The following CPNE9 variants were observed in gnomAD, a reference collection of about 807,000 sequenced individuals.
CPNE9 encodes copine family member 9.
A neutral mutation model predicts 83.0 loss-of-function variants in CPNE9; 59 were observed. The ratio of observed to expected loss-of-function variants is 0.71; its 90% confidence interval spans 0.58 to 0.88. The LOEUF is 0.88. Among genes scored for constraint, CPNE9 ranks in the 40% least tolerant of loss-of-function variants. CPNE9 has a pLI of 0.00. For missense variants in CPNE9, 619 were observed against 720.8 expected (o/e 0.86, Z 1.62); for synonymous variants, 256 against 273.4 (o/e 0.94, Z 0.63).
chr3:9,713,138 G>A (rs2076646636), intron 10 of CPNE9, 59 bp downstream of exon 10: 2 of 1,281,128 alleles, frequency 1.6e-6, no homozygotes, highest in Admixed American at 3.5e-5. Flanking sequence ...GTGGTTCCTG[G>A]GCCCAAGAAT....
At chr3:9,718,959 C>T (rs2076710571) in intron 17 of CPNE9, among the ~76,000 whole-genome samples, 1 of 151,592 alleles carries the variant, frequency 6.6e-6, no homozygotes, top group Non-Finnish European at 1.5e-5. Flanking sequence ...GCCTCAGCCT[C>T]CCAAATAGCA....
At chr3:9,718,654 T>C (rs774699708) in intron 17 of CPNE9, 52 bp downstream of exon 17, 61 of 1,590,876 alleles carry the variant, frequency 3.8e-5, no homozygotes, top group Middle Eastern at 1.7e-4. Flanking sequence ...ACATAAGGGA[T>C]TGACCCCCCA....
At chr3:9,713,234 G>A (rs992723214) in intron 10 of CPNE9, among the ~76,000 whole-genome samples, 155 bp downstream of exon 10, 1 of 152,248 alleles carries the variant, frequency 6.6e-6, no homozygotes, top group African/African-American at 2.4e-5. Context: ...TGGACAGGCA[G>A]ATGGATAGCC....
In CPNE9 at chr3:9,729,842, G is replaced by A; in HGVS notation, c.*150G>A. 8.7e-7 allele frequency: 1 copy of A among 1,149,768 alleles called. No individual in the cohort carries two copies. The highest frequency in any genetic ancestry group is 1.2e-6 in the Non-Finnish European group (1 of 845,820). The allele number at this position is 1,149,768 out of a possible 1,614,324, so 71.2% of individuals were successfully genotyped here. ...TGACAAGCCCTCCGCCTCCTTGCCT[G>A]CAGAGGGCCTGGCACTATCACCACC... On this transcript the variant is annotated 3_prime_UTR_variant, in exon 21 of 21. Transcript: ENST00000383832.
intron 4 of CPNE9, 23 bp from the exon 5 acceptor site, chr3:9,705,441 C>CCA: frequency 6.6e-7 from 1 of 1,516,306 alleles, no homozygotes; most frequent in Non-Finnish European, 9.0e-7. Context: ...CCCCACCCCA[C>CCA]ACCGGTTCCA....
rs1316026875 is a variant in CPNE9 at position 9,718,923 on chromosome 3, G to A, written c.1241+321G>A. Among the ~76,000 whole-genome samples, 5 of 141,694 alleles carry A rather than the reference G, an allele frequency of 3.5e-5. No individual in the cohort carries two copies. The East Asian group carries it at 6.4e-4, about 18-fold the overall frequency. The allele number at this position is 141,694 out of a possible 152,430, so 93.0% of individuals were successfully genotyped here. A position where few individuals can be genotyped will look rare whatever the true frequency, so the allele number is the denominator to read the frequency against. On this transcript the variant is annotated intron_variant, in intron 17 of 20. Coordinates refer to ENST00000383832, the MANE Select transcript of CPNE9 (RefSeq NM_153635.3). Reference sequence around the variant, plus strand: ...ATGGTCTCGGCTCACTGCAACCTCCGCCTCCCAGATTCAAGCAATTCTCCT... The same window carrying A: ...ATGGTCTCGGCTCACTGCAACCTCCACCTCCCAGATTCAAGCAATTCTCCT...
chr3:9,724,892 G>C (rs1430173589), intron 17 of CPNE9, among the ~76,000 whole-genome samples: 1 of 152,070 alleles, frequency 6.6e-6, no homozygotes, highest in East Asian at 1.9e-4. Context: ...GAGTAGCTGG[G>C]ATTACAGGCA....
rs1188128072 is a variant in CPNE9 at position 9,704,225 on chromosome 3, CG to C, written c.68+167del. ...GCGAGTAGCTGGTGGGATCGAGAAG[CG>C]GGGGGTCTTGGGCAGCCCCACCCCG... is the stretch of plus-strand genomic sequence containing the variant. On this transcript the variant is annotated intron_variant, in intron 1 of 20. Transcript: ENST00000383832. The surrounding 1 kb of genome is among the most constrained non-coding windows in gnomAD (Gnocchi z 7.1). 1.3e-5 allele frequency among the ~76,000 whole-genome samples: 2 copies of C among 152,158 alleles called. No homozygotes were observed.
intron 20 of CPNE9, among the ~76,000 whole-genome samples, chr3:9,728,764 C>A (rs1337786494): frequency 1.3e-5 from 2 of 151,730 alleles, no homozygotes; most frequent in African/African-American, 4.8e-5. Context: ...CCCCCCACAT[C>A]TCATTTCTTC....
At chr3:9,721,671 A>T (rs2076735232) in intron 17 of CPNE9, among the ~76,000 whole-genome samples, 1 of 152,208 alleles carries the variant, frequency 6.6e-6, no homozygotes, top group African/African-American at 2.4e-5. Context: ...GGCATATGAA[A>T]AACAGAGGCA....
intron 6 of CPNE9, 38 bp downstream of exon 6, chr3:9,705,758 G>A (rs748096178): frequency 5.6e-6 from 9 of 1,607,810 alleles, no homozygotes; most frequent in Non-Finnish European, 7.7e-6. Flanking sequence ...TTGGGGGTGG[G>A]GGTGGTATTG....
Position 9,726,097 on chromosome 3 carries a change from C to T in CPNE9, c.1344+46C>T. On this transcript the variant is annotated intron_variant, in intron 18 of 20. Transcript: ENST00000383832. Reference sequence around the variant, plus strand: ...TTGGCAGGGAGGAGTAATGTCAATACTGTGAAGGGGCTGAGATTTTATCCT... The same window carrying T: ...TTGGCAGGGAGGAGTAATGTCAATATTGTGAAGGGGCTGAGATTTTATCCT... 3.3e-6 allele frequency: 4 copies of T among 1,216,812 alleles called. No individual in the cohort carries two copies. In the South Asian group the frequency reaches 5.7e-5, roughly 17 times the overall value. The allele number at this position is 1,216,812 out of a possible 1,614,324, so 75.4% of individuals were successfully genotyped here.
At chr3:9,713,363 T>C (rs1372676338) in intron 10 of CPNE9, among the ~76,000 whole-genome samples, 1 of 152,114 alleles carries the variant, frequency 6.6e-6, no homozygotes, top group Non-Finnish European at 1.5e-5. Context: ...GATGGATCGT[T>C]GGATGGGTAA....
chr3:9,707,791 C>CAAAAAAAAAA (rs57310594), intron 7 of CPNE9, among the ~76,000 whole-genome samples: 1 of 49,672 alleles, frequency 2.0e-5, no homozygotes, highest in Non-Finnish European at 3.7e-5. Flanking sequence ...ACAAAAAAGA[C>CAAAAAAAAAA]AAAAAAAAAA....
rs2076533864 is a variant in CPNE9 at position 9,704,123 on chromosome 3, C to G, written c.68+59C>G. The G allele has an allele frequency of 6.6e-7, 1 of 1,518,162 alleles. No individual in the cohort carries two copies. 94.0% of individuals were successfully genotyped at this position (1,518,162 alleles called of 1,614,324 possible). Reference sequence around the variant, plus strand: ...TGGCACTGCCCCAGCCCCAGCCAGCCGCGGGGCTCAGCCTGGGCAGGGGCT... The same window carrying G: ...TGGCACTGCCCCAGCCCCAGCCAGCGGCGGGGCTCAGCCTGGGCAGGGGCT... On this transcript the variant is annotated intron_variant, in intron 1 of 20. Coordinates refer to ENST00000383832, the MANE Select transcript of CPNE9 (RefSeq NM_153635.3). This position sits in a 1 kb window ranked among gnomAD's most constrained non-coding sequence, Gnocchi z 7.1.
At chr3:9,728,328 A>G (rs576256189) in intron 20 of CPNE9, among the ~76,000 whole-genome samples, 2 of 152,346 alleles carry the variant, frequency 1.3e-5, no homozygotes, top group East Asian at 1.9e-4. Flanking sequence ...TCTCTGCTAC[A>G]TTAAAAAAAT....
At chr3:9,706,745 T>C (rs373022047) in intron 7 of CPNE9, among the ~76,000 whole-genome samples, 24 of 152,262 alleles carry the variant, frequency 1.6e-4, no homozygotes, top group Middle Eastern at 3.4e-3. Flanking sequence ...AACAGTGCGG[T>C]TGAGCAGGCC....
At position 9,704,843 on chromosome 3, in the gene CPNE9, C is replaced by T. The variant is rs1296650890; in HGVS notation, c.156+48C>T. The T allele has an allele frequency of 1.9e-6, 3 of 1,602,756 alleles. No individual in the cohort carries two copies. Among genetic ancestry groups the T allele is most frequent in the African/African-American group, 2.7e-5 (2 of 74,688 alleles). The stretch of plus-strand genomic sequence containing the variant: ...GGCCCAGGGCGTCGCCCGGGAATTC[C>T]CCTGCCCGTCTGCACGTCCCACGCT... On this transcript the variant is annotated intron_variant, in intron 3 of 20. Coordinates refer to ENST00000383832, the MANE Select transcript of CPNE9 (RefSeq NM_153635.3). The surrounding 1 kb of genome is among the most constrained non-coding windows in gnomAD (Gnocchi z 7.1).
Position 9,714,946 on chromosome 3 carries a change from G to C in CPNE9, c.683G>C (p.Arg228Pro). The stretch of plus-strand genomic sequence containing the variant: ...AAGATTGATGTGTACGACTGGGACC[G>C]GGATGGAAGGTAGAACTGCCCCACA... ...TVKIDVYDWD[R>P]DGSHDFIGEF... Residue 228 changes from arginine to proline, a missense_variant, in exon 11 of 21, where the codon CGG (arginine) becomes CCG (proline). Coordinates refer to ENST00000383832, the MANE Select transcript of CPNE9 (RefSeq NM_153635.3). The C allele has an allele frequency of 6.2e-7, 1 of 1,613,748 alleles. No homozygotes were observed. Among genetic ancestry groups the C allele is most frequent in the Non-Finnish European group, 8.5e-7 (1 of 1,179,722 alleles).
Sources: allele counts gnomAD v4.1 joint callset (sites outside exome capture counted in the v4.1 genomes callset), GRCh38; gene constraint gnomAD v4.1.1; non-coding constraint Gnocchi (gnomAD v3.1); transcripts MANE v1.5; gene names NCBI Gene and HGNC (gene_info 2026-07-23, HGNC 2026-07-21).